HAL: variants seen among roughly 807,000 people sequenced by gnomAD.
HAL encodes histidase.
In HAL, 85 loss-of-function variants were observed where a neutral mutation model predicts 81.1. That is an observed-to-expected ratio of 1.05 (90% confidence interval 0.88 to 1.25). The LOEUF (loss-of-function observed/expected upper bound fraction) is 1.25. Ranked by LOEUF, HAL falls within the 50% of genes most tolerant of loss-of-function variation. The pLI is 0.00. For synonymous variants in HAL, 301 were observed against 309.2 expected (o/e 0.97, Z 0.28); for missense variants, 798 against 836.6 (o/e 0.95, Z 0.57).
At chr12:95,992,272 C>A (rs536197760) in intron 9 of HAL, among the ~76,000 whole-genome samples, 47 of 152,302 alleles carry the variant, frequency 3.1e-4, no homozygotes, top group Admixed American at 2.6e-3. Flanking sequence ...GGGGACATTA[C>A]GATTTCAGAT....
chr12:95,979,398 G>A (rs2080764796), intron 17 of HAL, among the ~76,000 whole-genome samples: 1 of 152,140 alleles, frequency 6.6e-6, no homozygotes, highest in Admixed American at 6.6e-5. Context: ...TGATGTGCCA[G>A]GCTTTATATA....
chr12:95,990,541 G>T lies in HAL; in HGVS notation c.716-9C>A, dbSNP rs771427203. On this transcript the variant is annotated splice_polypyrimidine_tract_variant and intron_variant, in intron 9 of 20. Coordinates refer to ENST00000261208, the MANE Select transcript of HAL (RefSeq NM_002108.4). ...ATAGGGCAGGCAGGAGGCTGGGAGAGAAGTAGGCAGCAATTAGTTCAAGAG... is the reference window on the plus strand; with the variant it reads ...ATAGGGCAGGCAGGAGGCTGGGAGATAAGTAGGCAGCAATTAGTTCAAGAG... The T allele has an allele frequency of 6.2e-7, 1 of 1,612,470 alleles. No homozygotes were observed. The highest frequency in any genetic ancestry group is 8.5e-7 in the Non-Finnish European group (1 of 1,178,620).
chr12:95,988,674 C>G (rs1192769525), intron 10 of HAL, among the ~76,000 whole-genome samples: 1 of 152,168 alleles, frequency 6.6e-6, no homozygotes, highest in Non-Finnish European at 1.5e-5. Flanking sequence ...GTCCTCTAAC[C>G]TCATTAGTGC....
chr12:95,973,911 T>G lies in HAL; in HGVS notation c.*321A>C. ...TTCCAAATTTGAATTCATCTAATGC[T>G]AAGAGTAAAAAACAGGCACATACAA... On this transcript the variant is annotated 3_prime_UTR_variant, in exon 21 of 21. Coordinates refer to ENST00000261208, the MANE Select transcript of HAL (RefSeq NM_002108.4). 1 of 259,186 alleles carries G rather than the reference T, an allele frequency of 3.9e-6. No homozygotes were observed. The highest frequency in any genetic ancestry group is 9.7e-5 in the South Asian group (1 of 10,346). 16.1% of individuals were successfully genotyped at this position (259,186 alleles called of 1,614,324 possible).
At chr12:95,986,272 ATCC>A in intron 12 of HAL, 112 bp from the exon 13 acceptor site, 1 of 716,616 alleles carries the variant, frequency 1.4e-6, no homozygotes, top group Non-Finnish European at 2.5e-6. Context: ...GGCTCTAGCG[ATCC>A]TCCTACCTTG....
At position 95,985,909 on chromosome 12, in the gene HAL, T is replaced by C. The variant is rs1949880480; in HGVS notation, c.1205A>G (p.Gln402Arg). 6.2e-7 allele frequency: 1 copy of C among 1,600,896 alleles called. No homozygotes were observed. Among genetic ancestry groups the C allele is most frequent in the African/African-American group, 1.3e-5 (1 of 74,688 alleles). Residue 402 changes from glutamine (Q) to arginine (R), a missense_variant and splice_region_variant, in exon 14 of 21, where the codon CAG becomes CGG. Coordinates refer to ENST00000261208, the MANE Select transcript of HAL (RefSeq NM_002108.4). ...CCTTTTTTTTTTTCTTTATTTTACC[T>C]GTGGACAGCAGCGCAAGGTGTATGC... Reference protein sequence around the residue: ...QDAYTLRCCPQVHGVVNDTIA... With the variant: ...QDAYTLRCCPRVHGVVNDTIA...
chr12:95,986,636 G>A (rs536968302), intron 12 of HAL, among the ~76,000 whole-genome samples: 3 of 152,244 alleles, frequency 2.0e-5, no homozygotes, highest in South Asian at 2.1e-4. Context: ...ACAATGTTCT[G>A]CCCTTTTTCA....
rs1037616525 is a variant in HAL, at chr12:95,978,255, T to TC, written c.1520-178_1520-177insG. On this transcript the variant is annotated intron_variant, in intron 17 of 20. Coordinates refer to ENST00000261208, the MANE Select transcript of HAL (RefSeq NM_002108.4). Reference sequence around the variant, plus strand: ...GGGAAAAGGAAGCAGGTCATTTTTTTTCCCCAAGTGAGGACTCTAAAGCAA... The same window carrying TC: ...GGGAAAAGGAAGCAGGTCATTTTTTTCTCCCCAAGTGAGGACTCTAAAGCAA... Among the ~76,000 whole-genome samples, 134 of 151,816 alleles carry TC rather than the reference T, an allele frequency of 8.8e-4. 2 individuals are homozygous for TC. The South Asian group carries it at 0.015, about 17-fold the overall frequency.
chr12:95,996,226 AC>A lies in HAL; in HGVS notation c.-231del, dbSNP rs886049904. 2.7e-5 allele frequency: 10 copies of A among 369,306 alleles called. No homozygotes were observed. The highest frequency in any genetic ancestry group is 4.1e-5 in the Non-Finnish European group (8 of 194,698). The allele number at this position is 369,306 out of a possible 1,614,324, so 22.9% of individuals were successfully genotyped here. A position where few individuals can be genotyped will look rare whatever the true frequency, so the allele number is the denominator to read the frequency against. ...AGGTGCTGTTCTTGTCCCTGATGGC[AC>A]CTACCTGCTGCTGGCCCCCTTTCTT... On this transcript the variant is annotated 5_prime_UTR_variant, in exon 1 of 21. Transcript: ENST00000261208.
intron 4 of HAL, among the ~76,000 whole-genome samples, chr12:95,994,466 T>G (rs922518641): frequency 6.6e-6 from 1 of 152,156 alleles, no homozygotes; most frequent in Non-Finnish European, 1.5e-5. Context: ...CATGGCTCAC[T>G]GCAACCTCTG....
intron 10 of HAL, chr12:95,989,687 T>C (rs1332505564): frequency 1.3e-5 from 2 of 155,274 alleles, no homozygotes; most frequent in Non-Finnish European, 2.9e-5. Context: ...GGGTGATTGC[T>C]GTATGAGGGT....
Position 95,990,479 on chromosome 12 carries a change from G to T in HAL, c.769C>A (p.Leu257Ile), listed in dbSNP as rs1949955349. The change falls in exon 10 of 21, where the codon CTT (leucine) becomes ATT (isoleucine). Residue 257 changes from leucine (L) to isoleucine (I), a missense_variant. Leu to Ile is a conservative substitution (Grantham distance 5). Transcript: ENST00000261208. ...AGAGCAAGATGAGAGAGTGGGGCAAGGTCTCCACTGGCACCAACGGTTCCT... is the reference window on the plus strand; with the variant it reads ...AGAGCAAGATGAGAGAGTGGGGCAATGTCTCCACTGGCACCAACGGTTCCT... Reference protein sequence around the residue: ...EKGTVGASGDLAPLSHLALGL... With the variant: ...EKGTVGASGDIAPLSHLALGL... 4 of 1,610,588 alleles carry T rather than the reference G, an allele frequency of 2.5e-6. No homozygotes were observed. In the African/African-American group the frequency reaches 4.0e-5, roughly 16 times the overall value.
rs201100457 is a variant in HAL at position 95,995,000 on chromosome 12, C to A, written c.248-7G>T. On this transcript the variant is annotated splice_polypyrimidine_tract_variant and splice_region_variant and intron_variant, in intron 2 of 20. Coordinates refer to ENST00000261208, the MANE Select transcript of HAL (RefSeq NM_002108.4). The stretch of plus-strand genomic sequence containing the variant: ...ATGGCATCACCCTCTATAACTAAAA[C>A]AATGCACGGGAGACTCGTTACAGAT... 1.5e-5 allele frequency: 24 copies of A among 1,601,512 alleles called. No individual in the cohort carries two copies. In the African/African-American group the frequency reaches 3.1e-4, roughly 21 times the overall value.
chr12:95,987,011 C>T (rs969477367), intron 12 of HAL, 56 bp downstream of exon 12: 119 of 1,492,044 alleles, frequency 8.0e-5, no homozygotes, highest in Non-Finnish European at 1.1e-4. Flanking sequence ...CTCAGCCACC[C>T]CGCCCCACCA....
intron 8 of HAL, 80 bp from the exon 9 acceptor site, chr12:95,992,885 T>A: frequency 2.3e-6 from 2 of 865,288 alleles, no homozygotes; most frequent in Non-Finnish European, 3.3e-6. Flanking sequence ...CTCCCTCCAA[T>A]CTTTCCCATA....
chr12:95,975,520 A>ATT (rs35643296), intron 20 of HAL, among the ~76,000 whole-genome samples: 22 of 151,580 alleles, frequency 1.5e-4, no homozygotes, highest in African/African-American at 5.3e-4. Context: ...CTCTAAAAAA[A>ATT]TTTTTTTTTA....
intron 20 of HAL, among the ~76,000 whole-genome samples, chr12:95,975,513 TA>T (rs931433178): frequency 6.8e-6 from 1 of 146,972 alleles, no homozygotes; most frequent in Non-Finnish European, 1.5e-5. Flanking sequence ...CCCGCATCTC[TA>T]AAAAAATTTT....
Position 95,990,404 on chromosome 12 carries a change from C to CA in HAL, c.843dup (p.Asp282Ter). ...GCTACGAGTCTTACGTATTTAGCATCAGCCCAGCCACTCTTCGGAGACCAC... is the reference window on the plus strand; with the variant it reads ...GCTACGAGTCTTACGTATTTAGCATCAAGCCCAGCCACTCTTCGGAGACCAC... On this transcript the variant is annotated frameshift_variant, in exon 10 of 21. Transcript: ENST00000261208. LOFTEE classifies it high-confidence loss of function. 6.2e-7 allele frequency: 1 copy of CA among 1,613,620 alleles called. No homozygotes were observed. The highest frequency in any genetic ancestry group is 8.5e-7 in the Non-Finnish European group (1 of 1,179,506).
At chr12:95,984,029 A>G (rs1307672118) in intron 14 of HAL, 38 bp from the exon 15 acceptor site, 3 of 980,692 alleles carry the variant, frequency 3.1e-6, no homozygotes, top group Non-Finnish European at 5.0e-6. Context: ...GACCCATTTG[A>G]TTACCTGAAG....
Sources: gnomAD v4.1 joint callset for allele counts (sites outside exome capture counted in the v4.1 genomes callset) on GRCh38, gnomAD v4.1.1 for gene constraint, MANE v1.5 for transcripts, NCBI Gene and HGNC (gene_info 2026-07-23, HGNC 2026-07-21) for gene names.